ELF5: variants seen among roughly 807,000 people sequenced by gnomAD.
ELF5 encodes ETS-related transcription factor Elf-5.
ELF5 carries 31 observed loss-of-function variants against 38.2 expected under a neutral mutation model. The observed-to-expected ratio is 0.81, with a 90% CI of 0.61 to 1.10. The LOEUF is 1.10. Among genes scored for constraint, ELF5 ranks in the 50% least tolerant of loss-of-function variants. ELF5 has a pLI of 0.00. For missense variants in ELF5, 300 were observed against 306.6 expected (o/e 0.98, Z 0.16); for synonymous variants, 121 against 112.5 (o/e 1.08, Z -0.48).
intron 2 of ELF5, among the ~76,000 whole-genome samples, chr11:34,505,350 C>A (rs562738284): frequency 6.6e-6 from 1 of 152,194 alleles, no homozygotes; most frequent in Non-Finnish European, 1.5e-5. Context: ...CTCCAAGAGA[C>A]GTACATTTTA....
chr11:34,490,322 A>G (rs1015348773), intron 3 of ELF5, among the ~76,000 whole-genome samples: 2 of 152,152 alleles, frequency 1.3e-5, no homozygotes, highest in African/African-American at 4.8e-5. Context: ...AGATTTTCTG[A>G]GCAGGCACTG....
chr11:34,511,331 G>A (rs1259334169), intron 1 of ELF5, among the ~76,000 whole-genome samples: 1 of 152,100 alleles, frequency 6.6e-6, no homozygotes. Context: ...CAGGACAACT[G>A]GATATTCTTT....
chr11:34,498,937 C>T (rs1850383638), intron 2 of ELF5, among the ~76,000 whole-genome samples: 1 of 151,980 alleles, frequency 6.6e-6, no homozygotes, highest in South Asian at 2.1e-4. Flanking sequence ...ACTAATAATA[C>T]AAAAATTAGC....
intron 3 of ELF5, among the ~76,000 whole-genome samples, chr11:34,490,441 T>C (rs1275906336): frequency 1.3e-5 from 2 of 152,148 alleles, no homozygotes; most frequent in Non-Finnish European, 2.9e-5. Context: ...GTTTTTCTCA[T>C]TGACATCACG....
intron 3 of ELF5, chr11:34,493,258 T>C: frequency 1.7e-6 from 1 of 605,788 alleles, no homozygotes; most frequent in Non-Finnish European, 2.9e-6. Context: ...TTCTTTCTCT[T>C]TTTTTAAATG....
chr11:34,511,893 A>G, intron 1 of ELF5: 8 of 372,664 alleles, frequency 2.1e-5, no homozygotes, highest in South Asian at 1.5e-4. Flanking sequence ...TGGCCCAATT[A>G]AGCATCTACA....
chr11:34,480,190 A>G lies in ELF5; in HGVS notation c.*28T>C. 1.3e-6 allele frequency: 2 copies of G among 1,583,032 alleles called. No homozygotes were observed. Among genetic ancestry groups the G allele is most frequent in the Non-Finnish European group, 1.7e-6 (2 of 1,154,024 alleles). ...TGATTGTTTTAAAAGACAGAAATCCATAAAATGAGCTTGATGCCTGGAGCA... is the reference window on the plus strand; with the variant it reads ...TGATTGTTTTAAAAGACAGAAATCCGTAAAATGAGCTTGATGCCTGGAGCA... On this transcript the variant is annotated 3_prime_UTR_variant, in exon 7 of 7. Coordinates refer to ENST00000257832, the MANE Select transcript of ELF5 (RefSeq NM_001422.4).
intron 2 of ELF5, among the ~76,000 whole-genome samples, chr11:34,499,749 C>T (rs537401542): frequency 6.6e-6 from 1 of 152,282 alleles, no homozygotes; most frequent in Non-Finnish European, 1.5e-5. Flanking sequence ...GAATCCAATT[C>T]TTGTTCCCAG....
intron 2 of ELF5, among the ~76,000 whole-genome samples, chr11:34,502,244 C>T (rs922345903): frequency 6.6e-6 from 1 of 152,246 alleles, no homozygotes; most frequent in Non-Finnish European, 1.5e-5. Context: ...GCCCATGAAC[C>T]TGGGTGAACA....
At chr11:34,485,694 G>C (rs577129442) in intron 4 of ELF5, among the ~76,000 whole-genome samples, 1 of 152,334 alleles carries the variant, frequency 6.6e-6, no homozygotes, top group Admixed American at 6.5e-5. Flanking sequence ...TCTGTTCCTA[G>C]TTCTGCAGTG....
intron 4 of ELF5, among the ~76,000 whole-genome samples, chr11:34,487,039 T>C (rs142712542): frequency 3.9e-5 from 6 of 152,248 alleles, no homozygotes; most frequent in Admixed American, 2.6e-4. Context: ...GGGCTCATTG[T>C]ATAAACTACC....
intron 4 of ELF5, among the ~76,000 whole-genome samples, chr11:34,483,504 A>G (rs1856988912): frequency 6.6e-6 from 1 of 151,774 alleles, no homozygotes; most frequent in Non-Finnish European, 1.5e-5. Context: ...TATACTAACT[A>G]TACTGTTCTA....
At chr11:34,507,993 C>T (rs567320221) in intron 1 of ELF5, among the ~76,000 whole-genome samples, 188 of 152,248 alleles carry the variant, frequency 1.2e-3, no homozygotes, top group Non-Finnish European at 1.9e-3. Context: ...AAATCATCAA[C>T]TCCCTTTTTG....
Position 34,512,511 on chromosome 11 carries a change from T to C in ELF5, c.-5+1166A>G, listed in dbSNP as rs187678429. 1.7e-4 allele frequency among the ~76,000 whole-genome samples: 26 copies of C among 152,302 alleles called. 1 individual carries two copies. In the East Asian group the frequency reaches 4.4e-3, roughly 26 times the overall value. ...AGACTGCTGAAATTCTTAAGCTTTT[T>C]TTCATATAGATGTGGTATATAAATA... On this transcript the variant is annotated intron_variant, in intron 1 of 6. Transcript: ENST00000257832.
chr11:34,490,738 G>A (rs1850147921), intron 3 of ELF5, among the ~76,000 whole-genome samples: 1 of 152,190 alleles, frequency 6.6e-6, no homozygotes, highest in Admixed American at 6.5e-5. Context: ...GGATACCTAT[G>A]TCCTAGCTTG....
At chr11:34,484,852 C>A (rs1385565691) in intron 4 of ELF5, among the ~76,000 whole-genome samples, 3 of 152,110 alleles carry the variant, frequency 2.0e-5, no homozygotes, top group Non-Finnish European at 4.4e-5. Flanking sequence ...GCCTCAGGAC[C>A]TTTGCACAGA....
At position 34,493,460 on chromosome 11, in the gene ELF5, T is replaced by C. The variant is rs1226024945; in HGVS notation, c.355+19A>G. On this transcript the variant is annotated intron_variant, in intron 3 of 6. Coordinates refer to ENST00000257832, the MANE Select transcript of ELF5 (RefSeq NM_001422.4). ...AATCCTGGTCCCTCCCCTGGAGGTCTGGCCCTCTGAACACTGACCTTGTGT... is the reference window on the plus strand; with the variant it reads ...AATCCTGGTCCCTCCCCTGGAGGTCCGGCCCTCTGAACACTGACCTTGTGT... The C allele has an allele frequency of 1.2e-6, 2 of 1,608,704 alleles. No individual in the cohort carries two copies. The highest frequency in any genetic ancestry group is 1.7e-6 in the Non-Finnish European group (2 of 1,177,018).
At chr11:34,490,190 C>A (rs1020508969) in intron 3 of ELF5, 131 bp from the exon 4 acceptor site, 18 of 938,412 alleles carry the variant, frequency 1.9e-5, no homozygotes, top group Admixed American at 1.1e-4. Flanking sequence ...TTAGAGGGAA[C>A]CTTGGAGACC....
At chr11:34,486,938 C>T (rs1850010743) in intron 4 of ELF5, among the ~76,000 whole-genome samples, 1 of 152,188 alleles carries the variant, frequency 6.6e-6, no homozygotes, top group Non-Finnish European at 1.5e-5. Context: ...TGAAAGGCAG[C>T]CTCTCATTTT....
Sources: allele counts gnomAD v4.1 joint callset (sites outside exome capture counted in the v4.1 genomes callset), GRCh38; gene constraint gnomAD v4.1.1; transcripts MANE v1.5; gene names NCBI Gene and HGNC (gene_info 2026-07-23, HGNC 2026-07-21).